Variants in RAB27A observed in about 807,000 individuals in gnomAD.
The protein encoded by RAB27A is ras-related protein Rab-27A.
RAB27A carries 17 observed loss-of-function variants against 20.8 expected under a neutral mutation model. That is an observed-to-expected ratio of 0.82 (90% CI 0.56 to 1.23). The LOEUF (loss-of-function observed/expected upper bound fraction) is 1.23, where lower values mean the gene tolerates loss of function less well. Among genes scored for constraint, RAB27A ranks in the 50% most tolerant of loss-of-function variants. RAB27A has a pLI of 0.00. For missense variants in RAB27A, 277 were observed against 266.7 expected (o/e 1.04, Z -0.27); for synonymous variants, 85 against 92.8 (o/e 0.92, Z 0.48).
chr15:55,233,501 A>G (rs1896129132), intron 3 of RAB27A, among the ~76,000 whole-genome samples: 1 of 152,352 alleles, frequency 6.6e-6, no homozygotes, highest in East Asian at 1.9e-4. Flanking sequence ...TAGCTATAAT[A>G]AGTAATGAAG....
At chr15:55,216,696 G>A (rs1385272906) in intron 6 of RAB27A, among the ~76,000 whole-genome samples, 1 of 152,154 alleles carries the variant, frequency 6.6e-6, no homozygotes, top group African/African-American at 2.4e-5. Flanking sequence ...AATCCACAAT[G>A]TAGCTGATCT....
intron 6 of RAB27A, among the ~76,000 whole-genome samples, chr15:55,212,210 C>G (rs539397205): frequency 6.6e-6 from 1 of 152,208 alleles, no homozygotes; most frequent in South Asian, 2.1e-4. Context: ...AATGATTAAA[C>G]TAAGGCTGAG....
At position 55,205,583 on chromosome 15, in the gene RAB27A, C is replaced by A; in HGVS notation, c.590G>T (p.Gly197Val). The stretch of plus-strand genomic sequence containing the variant: ...GGCATGACCATTTGATCGCACCACT[C>A]CTTCAGGAATCCAGGACTTGTCCAC... ...RCVDKSWIPE[G>V]VVRSNGHAST... The change falls in exon 7 of 7, where the codon GGA becomes GTA. Residue 197 changes from glycine to valine, a missense_variant. Gly to Val is a moderately radical substitution (Grantham distance 109, BLOSUM62 -3). Coordinates refer to ENST00000336787, the MANE Select transcript of RAB27A (RefSeq NM_183235.3). The A allele has an allele frequency of 6.2e-7, 1 of 1,614,170 alleles. No individual in the cohort carries two copies. The highest frequency in any genetic ancestry group is 1.3e-5 in the African/African-American group (1 of 75,050).
chr15:55,206,200 G>A (rs558297793), intron 6 of RAB27A: 254 of 409,290 alleles, frequency 6.2e-4, no homozygotes, highest in African/African-American at 5.2e-3. Context: ...AATAGAGTTA[G>A]ACTGTCTCAA....
intron 5 of RAB27A, 120 bp from the exon 6 acceptor site, chr15:55,224,132 A>ATAAT: frequency 1.3e-6 from 1 of 753,140 alleles, no homozygotes; most frequent in African/African-American, 1.8e-5. Context: ...GGGAATTGAC[A>ATAAT]TAATGCTTTC....
intron 1 of RAB27A, among the ~76,000 whole-genome samples, chr15:55,284,989 G>C (rs1898109934): frequency 6.6e-6 from 1 of 152,138 alleles, no homozygotes; most frequent in South Asian, 2.1e-4. Flanking sequence ...CACCATCGAT[G>C]CATTTCCTAT....
chr15:55,261,709 CAAAAAAA>C (rs768256540), intron 2 of RAB27A, among the ~76,000 whole-genome samples: 654 of 18,630 alleles, frequency 0.035, 5 homozygotes, highest in African/African-American at 0.09. Flanking sequence ...CACTGCATCT[CAAAAAAA>C]AAAAAAAAAA....
At chr15:55,215,779 C>A (rs1895265471) in intron 6 of RAB27A, among the ~76,000 whole-genome samples, 1 of 150,948 alleles carries the variant, frequency 6.6e-6, no homozygotes. Context: ...AACCCCGTCT[C>A]TACTAAAAAT....
chr15:55,314,831 T>C (rs1332532808), intron 1 of RAB27A, among the ~76,000 whole-genome samples: 1 of 152,192 alleles, frequency 6.6e-6, no homozygotes, highest in African/African-American at 2.4e-5. Flanking sequence ...AAAATGGCCA[T>C]ACTGCCCAAA....
At chr15:55,236,292 C>T (rs1424875405) in intron 2 of RAB27A, among the ~76,000 whole-genome samples, 3 of 152,088 alleles carry the variant, frequency 2.0e-5, no homozygotes, top group Non-Finnish European at 4.4e-5. Flanking sequence ...CCTTCAAAGA[C>T]ACTGTTATTT....
intron 1 of RAB27A, chr15:55,270,490 A>T (rs1897672274): frequency 6.6e-6 from 1 of 152,108 alleles, no homozygotes; most frequent in African/African-American, 2.4e-5. Flanking sequence ...CAAGCTTACC[A>T]AGTTCCAGTT....
chr15:55,234,763 A>G lies in RAB27A; in HGVS notation c.153+19T>C. The G allele has an allele frequency of 6.3e-7, 1 of 1,596,022 alleles. No individual in the cohort carries two copies. Among genetic ancestry groups the G allele is most frequent in the Non-Finnish European group, 8.6e-7 (1 of 1,164,258 alleles). ...TGACTTAACGATTACATTTTTACAT[A>G]GAAGGATATAGAACTTACCACTCTT... On this transcript the variant is annotated intron_variant, in intron 3 of 6. Coordinates refer to ENST00000336787, the MANE Select transcript of RAB27A (RefSeq NM_183235.3).
At chr15:55,285,665 A>G (rs942866133) in intron 1 of RAB27A, among the ~76,000 whole-genome samples, 1 of 152,258 alleles carries the variant, frequency 6.6e-6, no homozygotes, top group Admixed American at 6.5e-5. Context: ...AGGCTATAGA[A>G]GGGAAAAATT....
chr15:55,286,702 GTCAC>G (rs1216980576), intron 1 of RAB27A, among the ~76,000 whole-genome samples: 1 of 151,952 alleles, frequency 6.6e-6, no homozygotes, highest in Non-Finnish European at 1.5e-5. Context: ...TGAGGACTCT[GTCAC>G]TTCTGAGATA....
intron 5 of RAB27A, among the ~76,000 whole-genome samples, chr15:55,226,699 T>C (rs373573538): frequency 6.6e-6 from 1 of 151,806 alleles, no homozygotes; most frequent in Non-Finnish European, 1.5e-5. Flanking sequence ...TGAAACCCCA[T>C]CTCTACAAAA....
chr15:55,235,543 C>A (rs908496609), intron 2 of RAB27A, among the ~76,000 whole-genome samples: 1 of 151,888 alleles, frequency 6.6e-6, no homozygotes, highest in Non-Finnish European at 1.5e-5. Context: ...TGATAATCAA[C>A]AAGAAGGTAA....
intron 2 of RAB27A, among the ~76,000 whole-genome samples, chr15:55,300,683 A>G (rs2054968117): frequency 6.6e-6 from 1 of 151,636 alleles, no homozygotes; most frequent in Non-Finnish European, 1.5e-5. Flanking sequence ...CTGTCTCCAA[A>G]AAAAAAAATG....
intron 1 of RAB27A, among the ~76,000 whole-genome samples, chr15:55,280,994 A>T (rs1898002420): frequency 6.6e-6 from 1 of 152,202 alleles, no homozygotes; most frequent in African/African-American, 2.4e-5. Flanking sequence ...CTATAGTAGC[A>T]TGATTTATAA....
intron 2 of RAB27A, among the ~76,000 whole-genome samples, chr15:55,262,622 C>CTTTTTTTTCT (rs1897315125): frequency 8.1e-6 from 1 of 123,066 alleles, no homozygotes; most frequent in African/African-American, 3.8e-5. Flanking sequence ...AGTCTTATCT[C>CTTTTTTTTCT]TTTTTTTTCT....
Sources: allele counts gnomAD v4.1 joint callset (sites outside exome capture counted in the v4.1 genomes callset), GRCh38; gene constraint gnomAD v4.1.1; transcripts MANE v1.5; gene names NCBI Gene and HGNC (gene_info 2026-07-23, HGNC 2026-07-21).